Variants in PRUNE1 observed in about 807,000 individuals in gnomAD.
The protein encoded by PRUNE1 is exopolyphosphatase PRUNE1.
A neutral mutation model predicts 42.5 loss-of-function variants in PRUNE1; 25 were observed. The observed-to-expected ratio is 0.59, with a 90% CI of 0.43 to 0.82. The LOEUF (loss-of-function observed/expected upper bound fraction) is 0.82. Ranked by LOEUF, PRUNE1 falls within the 40% of genes least tolerant of loss-of-function variation. The pLI, the probability that PRUNE1 is intolerant of heterozygous loss-of-function variation, is 0.00. For synonymous variants in PRUNE1, 203 were observed against 217.1 expected (o/e 0.93, Z 0.57); for missense variants, 443 against 539.3 (o/e 0.82, Z 1.77).
chr1:151,025,677 T>C lies in PRUNE1; in HGVS notation c.679+4T>C. ...AAGGCAAAGTTTGATGTATCAGGTATGAAATGTTAGCTGACTTTTCTGCCT... is the reference window on the plus strand; with the variant it reads ...AAGGCAAAGTTTGATGTATCAGGTACGAAATGTTAGCTGACTTTTCTGCCT... On this transcript the variant is annotated splice_donor_region_variant and intron_variant, in intron 5 of 7. Transcript: ENST00000271620. 6.2e-7 allele frequency: 1 copy of C among 1,609,658 alleles called. No individual in the cohort carries two copies. Among genetic ancestry groups the C allele is most frequent in the Non-Finnish European group, 8.5e-7 (1 of 1,177,826 alleles).
Position 151,034,349 on chromosome 1 carries a change from T to G in PRUNE1, c.*115T>G. On this transcript the variant is annotated 3_prime_UTR_variant, in exon 8 of 8. Transcript: ENST00000271620. Reference sequence around the variant, plus strand: ...TTCATTGCTCCAGGATCTGGTATACTGTTCTCATAAAACTGAGAGGAGAAA... The same window carrying G: ...TTCATTGCTCCAGGATCTGGTATACGGTTCTCATAAAACTGAGAGGAGAAA... 8.8e-7 allele frequency: 1 copy of G among 1,141,450 alleles called. No homozygotes were observed. The highest frequency in any genetic ancestry group is 2.4e-5 in the East Asian group (1 of 41,412). 70.7% of individuals were successfully genotyped at this position (1,141,450 alleles called of 1,614,324 possible). A position where few individuals can be genotyped will look rare whatever the true frequency, so the allele number is the denominator to read the frequency against.
intron 6 of PRUNE1, among the ~76,000 whole-genome samples, chr1:151,028,387 G>A (rs1479706033): frequency 3.3e-5 from 5 of 151,270 alleles, no homozygotes; most frequent in Admixed American, 6.6e-5. Flanking sequence ...TTACTGGTGC[G>A]TGCCGGCATG....
intron 3 of PRUNE1, among the ~76,000 whole-genome samples, chr1:151,019,451 G>A (rs1406816313): frequency 6.6e-6 from 1 of 151,124 alleles, no homozygotes; most frequent in Non-Finnish European, 1.5e-5. Context: ...AGCTACTCGG[G>A]AGGTTGAGGT....
At chr1:151,030,608 A>G (rs755141735) in intron 7 of PRUNE1, among the ~76,000 whole-genome samples, 1 of 152,094 alleles carries the variant, frequency 6.6e-6, no homozygotes, top group Non-Finnish European at 1.5e-5. Flanking sequence ...CTCCCACCTC[A>G]GCCTGTAGCT....
chr1:151,030,676 G>A (rs1675189342), intron 7 of PRUNE1, among the ~76,000 whole-genome samples: 1 of 152,062 alleles, frequency 6.6e-6, no homozygotes, highest in Non-Finnish European at 1.5e-5. Context: ...AGTAGAGATG[G>A]GGTTTCACCA....
Position 151,029,098 on chromosome 1 carries a change from C to A in PRUNE1, c.933+154C>A, listed in dbSNP as rs149317360. 338 of 671,378 alleles carry A rather than the reference C, an allele frequency of 5.0e-4. 1 individual carries two copies. The African/African-American group carries it at 5.8e-3, about 11-fold the overall frequency. 41.6% of individuals were successfully genotyped at this position (671,378 alleles called of 1,614,324 possible). ...TGACCTGTTTCTGGACCTGTTTCCT[C>A]CCCTTTCTGCTTTTTCCCATTCTCT... On this transcript the variant is annotated intron_variant, in intron 7 of 7. Coordinates refer to ENST00000271620, the MANE Select transcript of PRUNE1 (RefSeq NM_021222.3).
chr1:151,019,697 T>C (rs1172474576), intron 3 of PRUNE1, among the ~76,000 whole-genome samples: 1 of 152,076 alleles, frequency 6.6e-6, no homozygotes, highest in Admixed American at 6.6e-5. Context: ...GAAGAGGGTC[T>C]TGCTATATTG....
intron 3 of PRUNE1, among the ~76,000 whole-genome samples, chr1:151,023,719 GAA>G (rs60113699): frequency 3.6e-5 from 4 of 111,532 alleles, no homozygotes; most frequent in Admixed American, 9.4e-5. Flanking sequence ...TTCCGTCTTA[GAA>G]AAAAAAAAAA....
intron 2 of PRUNE1, 47 bp from the exon 3 acceptor site, chr1:151,018,420 T>G: frequency 6.7e-7 from 1 of 1,503,612 alleles, no homozygotes; most frequent in Non-Finnish European, 9.2e-7. Flanking sequence ...TACTTTTTCC[T>G]GTCATTATAA....
At chr1:151,011,463 G>T (rs1673764900) in intron 1 of PRUNE1, among the ~76,000 whole-genome samples, 2 of 152,154 alleles carry the variant, frequency 1.3e-5, no homozygotes, top group Admixed American at 1.3e-4. Flanking sequence ...TGTAGTGTGT[G>T]CAGTTCTCAG....
At chr1:151,014,888 C>A (rs1249981572) in intron 1 of PRUNE1, among the ~76,000 whole-genome samples, 2 of 152,166 alleles carry the variant, frequency 1.3e-5, no homozygotes, top group African/African-American at 4.8e-5. Flanking sequence ...ACAGGACAGC[C>A]TCCACAAAAA....
At chr1:151,026,847 C>CTTTTTTTTTTT (rs766393235) in intron 5 of PRUNE1, among the ~76,000 whole-genome samples, 1 of 128,648 alleles carries the variant, frequency 7.8e-6, no homozygotes, top group African/African-American at 2.8e-5. Context: ...TTCTTTCTTT[C>CTTTTTTTTTTT]TTTTTTTTTT....
intron 3 of PRUNE1, 116 bp from the exon 4 acceptor site, chr1:151,024,495 C>G (rs1443889561): frequency 1.4e-5 from 11 of 810,126 alleles, no homozygotes; most frequent in African/African-American, 3.7e-5. Flanking sequence ...AACTCCGTCT[C>G]AAAAAAAAAA....
chr1:151,014,072 C>T lies in PRUNE1; in HGVS notation c.40-3740C>T, dbSNP rs976244298. Among the ~76,000 whole-genome samples the T allele has an allele frequency of 1.1e-4, 16 of 152,114 alleles. No individual in the cohort carries two copies. The South Asian group carries it at 2.7e-3, about 26-fold the overall frequency. On this transcript the variant is annotated intron_variant, in intron 1 of 7. Transcript: ENST00000271620. The stretch of plus-strand genomic sequence containing the variant: ...TTGGCTCACTGCAACCTCCGCCTCC[C>T]GGGTGCAAAAGATTCTCCTGCCTCA...
chr1:151,026,445 C>T (rs375060003), intron 5 of PRUNE1, among the ~76,000 whole-genome samples: 11 of 151,236 alleles, frequency 7.3e-5, no homozygotes, highest in African/African-American at 1.7e-4. Context: ...GCAACGACAG[C>T]GAAACTCCGT....
intron 6 of PRUNE1, among the ~76,000 whole-genome samples, chr1:151,027,859 T>G (rs1320871745): frequency 3.3e-5 from 5 of 151,846 alleles, no homozygotes; most frequent in Non-Finnish European, 7.4e-5. Flanking sequence ...CCTCAAGCAG[T>G]TCTCCTTTTG....
chr1:151,019,589 T>C (rs897959136), intron 3 of PRUNE1, among the ~76,000 whole-genome samples: 4 of 150,888 alleles, frequency 2.7e-5, no homozygotes, highest in African/African-American at 9.7e-5. Flanking sequence ...CTGAGACAGA[T>C]TTATTGTAAT....
At chr1:151,029,794 C>T (rs1470844839) in intron 7 of PRUNE1, among the ~76,000 whole-genome samples, 2 of 151,646 alleles carry the variant, frequency 1.3e-5, no homozygotes, top group African/African-American at 2.4e-5. Flanking sequence ...TATGCTGTTG[C>T]CTTGAAAATT....
In PRUNE1 at chr1:151,008,491, C is replaced by T. The variant is rs587606515; in HGVS notation, c.-142C>T. On this transcript the variant is annotated 5_prime_UTR_variant, in exon 1 of 8. Coordinates refer to ENST00000271620, the MANE Select transcript of PRUNE1 (RefSeq NM_021222.3). The stretch of plus-strand genomic sequence containing the variant: ...CTCCCGGGGTCGGAGGCCGATTCGC[C>T]GTGTGGCGGGTTCGAGTCCCGCCTC... 8 of 1,244,202 alleles carry T rather than the reference C, an allele frequency of 6.4e-6. No homozygotes were observed. Among genetic ancestry groups the T allele is most frequent in the Admixed American group, 3.6e-5 (2 of 55,922 alleles). The allele number at this position is 1,244,202 out of a possible 1,614,324, so 77.1% of individuals were successfully genotyped here.
Sources: allele counts gnomAD v4.1 joint callset (sites outside exome capture counted in the v4.1 genomes callset), GRCh38; gene constraint gnomAD v4.1.1; transcripts MANE v1.5; gene names NCBI Gene and HGNC (gene_info 2026-07-23, HGNC 2026-07-21).